The following ATP8A2 variants were observed in gnomAD, a reference collection of about 807,000 sequenced individuals.
The protein encoded by ATP8A2 is phospholipid-transporting ATPase IB.
Under a neutral mutation model 165.6 loss-of-function variants are expected in ATP8A2, and 100 were observed. That is an observed-to-expected ratio of 0.60 (90% CI 0.51 to 0.71). The LOEUF is 0.71. Among genes scored for constraint, ATP8A2 ranks in the 30% least tolerant of loss-of-function variants. The probability of loss-of-function intolerance (pLI) is 0.00; values close to 1 mark genes in which losing one functional copy is unlikely to be tolerated. For synonymous variants in ATP8A2, 543 were observed against 548.8 expected (o/e 0.99, Z 0.15); for missense variants, 1,227 against 1,479.5 (o/e 0.83, Z 2.80).
At chr13:25,620,885 A>G (rs1334015646) in intron 24 of ATP8A2, among the ~76,000 whole-genome samples, 2 of 152,200 alleles carry the variant, frequency 1.3e-5, no homozygotes, top group Admixed American at 1.3e-4. Flanking sequence ...CTTTTTAGTA[A>G]AATTGTATGA....
In ATP8A2 at chr13:25,577,125, A is replaced by G. The variant is rs745664350; in HGVS notation, c.1769A>G (p.Tyr590Cys). The G allele has an allele frequency of 6.2e-7, 1 of 1,613,842 alleles. No homozygotes were observed. Among genetic ancestry groups the G allele is most frequent in the East Asian group, 2.2e-5 (1 of 44,862 alleles). Residue 590 changes from tyrosine (Y) to cysteine (C), a missense_variant, in exon 20 of 37, where the codon TAC becomes TGC. Coordinates refer to ENST00000381655, the MANE Select transcript of ATP8A2 (RefSeq NM_016529.6). Reference sequence around the variant, plus strand: ...ACTCCTTCAGGACGACTTCGGCTTTACTGTAAAGGGGCTGTAAGTACCGGA... The same window carrying G: ...ACTCCTTCAGGACGACTTCGGCTTTGCTGTAAAGGGGCTGTAAGTACCGGA... ...VRTPSGRLRL[Y>C]CKGADNVIFE...
intron 2 of ATP8A2, among the ~76,000 whole-genome samples, chr13:25,527,265 A>T (rs549216279): frequency 1.3e-5 from 2 of 152,276 alleles, no homozygotes; most frequent in East Asian, 1.9e-4. Context: ...CTCCTCAGGA[A>T]TTATCCTAAA....
intron 33 of ATP8A2, among the ~76,000 whole-genome samples, chr13:25,930,597 T>G (rs531410394): frequency 6.6e-6 from 1 of 152,364 alleles, no homozygotes; most frequent in East Asian, 1.9e-4. Context: ...GTTAATTGTG[T>G]TATTTGTTTC....
intron 1 of ATP8A2, among the ~76,000 whole-genome samples, chr13:25,406,185 A>G (rs1404430277): frequency 6.6e-6 from 1 of 152,218 alleles, no homozygotes; most frequent in Non-Finnish European, 1.5e-5. Context: ...AGAAAGAAAC[A>G]TTTAACAGGG....
At chr13:25,573,810 T>A (rs1472117546) in intron 18 of ATP8A2, among the ~76,000 whole-genome samples, 1 of 151,912 alleles carries the variant, frequency 6.6e-6, no homozygotes, top group Non-Finnish European at 1.5e-5. Context: ...TCCAGAGAAG[T>A]GAATAAAGAT....
chr13:25,545,013 G>C (rs747074640), intron 10 of ATP8A2, among the ~76,000 whole-genome samples: 1 of 150,984 alleles, frequency 6.6e-6, no homozygotes, highest in Admixed American at 6.6e-5. Flanking sequence ...AGAGGCCAAA[G>C]GATGCAGATG....
chr13:25,653,580 C>A (rs936050074), intron 24 of ATP8A2, among the ~76,000 whole-genome samples: 6 of 152,114 alleles, frequency 3.9e-5, no homozygotes, highest in African/African-American at 1.4e-4. Context: ...ATCAAACCTG[C>A]CCATGTAATC....
chr13:25,468,829 G>T (rs770477004), intron 1 of ATP8A2, 148 bp from the exon 2 acceptor site: 9 of 1,309,360 alleles, frequency 6.9e-6, no homozygotes, highest in Non-Finnish European at 8.7e-6. Context: ...GGCGTCTCCA[G>T]GGGGAGCCAA....
chr13:25,515,042 C>T (rs2037420602), intron 2 of ATP8A2, among the ~76,000 whole-genome samples: 1 of 152,190 alleles, frequency 6.6e-6, no homozygotes, highest in African/African-American at 2.4e-5. Context: ...GGTGGACTCC[C>T]TAGTGTGGGC....
chr13:25,808,590 C>T (rs1950793243), intron 27 of ATP8A2, among the ~76,000 whole-genome samples: 1 of 149,882 alleles, frequency 6.7e-6, no homozygotes, highest in Non-Finnish European at 1.5e-5. Flanking sequence ...CAGAGCAAGA[C>T]TCCATCTCAA....
chr13:25,562,386 T>C (rs2039183742), intron 15 of ATP8A2, among the ~76,000 whole-genome samples: 1 of 152,196 alleles, frequency 6.6e-6, no homozygotes, highest in African/African-American at 2.4e-5. Context: ...ATGGTGATGC[T>C]GTCTGTCTGC....
intron 24 of ATP8A2, among the ~76,000 whole-genome samples, chr13:25,630,336 C>T (rs1438493559): frequency 3.3e-5 from 5 of 152,122 alleles, no homozygotes; most frequent in East Asian, 1.9e-4. Context: ...GATATTGTTG[C>T]GTGTGTCCAG....
Position 25,469,023 on chromosome 13 carries a change from G to A in ATP8A2, c.123G>A (p.Met41Ile), listed in dbSNP as rs2137520437. 1 of 1,614,074 alleles carries A rather than the reference G, an allele frequency of 6.2e-7. No homozygotes were observed. The highest frequency in any genetic ancestry group is 2.2e-5 in the East Asian group (1 of 44,866). The stretch of plus-strand genomic sequence containing the variant: ...GCTATAAGAAGGCAGAGGATGAGAT[G>A]TCCCGGGCCACGTCTGTTGGAGACC... ...SLGYKKAEDE[M>I]SRATSVGDQL... The change falls in exon 2 of 37, where the codon ATG becomes ATA. Residue 41 changes from methionine (M) to isoleucine (I), a missense_variant. Physicochemically the swap from Met to Ile is conservative, Grantham distance 10. Around this residue, in one of 5 missense-constraint regions of ATP8A2, gnomAD observed 356 missense variants for 394.9 expected, o/e 0.90. Coordinates refer to ENST00000381655, the MANE Select transcript of ATP8A2 (RefSeq NM_016529.6).
rs1489588168 is a variant in ATP8A2 at position 26,022,026 on chromosome 13, G to A, written c.*2041G>A. The stretch of plus-strand genomic sequence containing the variant: ...GGCAGCAGAACAATGCAATTCACAG[G>A]TGAGGCTCCAAAAAGGGCCATTTCT... On this transcript the variant is annotated 3_prime_UTR_variant, in exon 37 of 37. Coordinates refer to ENST00000381655, the MANE Select transcript of ATP8A2 (RefSeq NM_016529.6). The A allele has an allele frequency of 6.6e-6, 1 of 152,136 alleles. No homozygotes were observed. The highest frequency in any genetic ancestry group is 6.5e-5 in the Admixed American group (1 of 15,280). The allele number at this position is 152,136 out of a possible 1,614,324, so 9.4% of individuals were successfully genotyped here. A position where few individuals can be genotyped will look rare whatever the true frequency, so the allele number is the denominator to read the frequency against.
rs1295573875 is a variant in ATP8A2 at position 25,471,353 on chromosome 13, GTTT to G, written c.221+2244_221+2246del. On this transcript the variant is annotated intron_variant, in intron 2 of 36. Transcript: ENST00000381655. ...TTCTTTTGTTTTAATGGAAGGTAAA[GTTT>G]TTTTTTTTTTTGGAGATGGAGTCTT... Among the ~76,000 whole-genome samples the G allele has an allele frequency of 1.5e-4, 22 of 143,838 alleles. No homozygotes were observed. The South Asian group carries it at 4.2e-3, about 27-fold the overall frequency. The allele number at this position is 143,838 out of a possible 152,430, so 94.4% of individuals were successfully genotyped here.
At chr13:25,680,578 C>T (rs1204786638) in intron 24 of ATP8A2, among the ~76,000 whole-genome samples, 3 of 152,108 alleles carry the variant, frequency 2.0e-5, no homozygotes, top group African/African-American at 7.2e-5. Flanking sequence ...TCATGGAGAC[C>T]AGGGTGGTAG....
chr13:25,404,701 A>G (rs1192253122), intron 1 of ATP8A2, among the ~76,000 whole-genome samples: 1 of 152,032 alleles, frequency 6.6e-6, no homozygotes, highest in African/African-American at 2.4e-5. Flanking sequence ...AGGGTTGTGT[A>G]GGGATAATCA....
intron 33 of ATP8A2, among the ~76,000 whole-genome samples, chr13:25,884,733 G>A (rs1170465321): frequency 1.3e-5 from 2 of 152,174 alleles, no homozygotes; most frequent in African/African-American, 2.4e-5. Context: ...AGTAAAATTC[G>A]TGAGAATGGG....
intron 24 of ATP8A2, among the ~76,000 whole-genome samples, chr13:25,620,336 T>C (rs1371934544): frequency 2.0e-5 from 3 of 151,982 alleles, no homozygotes; most frequent in Non-Finnish European, 4.4e-5. Flanking sequence ...TGAAAGAAAA[T>C]ACCTGCCAAC....
Sources: gnomAD v4.1 joint callset for allele counts (sites outside exome capture counted in the v4.1 genomes callset) on GRCh38, gnomAD v4.1.1 for gene constraint, gnomAD v4.1.1 regional missense constraint, MANE v1.5 for transcripts, NCBI Gene and HGNC (gene_info 2026-07-23, HGNC 2026-07-21) for gene names.